The following KSR2 variants were observed in gnomAD, a reference collection of about 807,000 sequenced individuals.
KSR2 encodes kinase suppressor of ras 2.
In KSR2, 25 loss-of-function variants were observed where a neutral mutation model predicts 107.8. The observed-to-expected ratio is 0.23, with a 90% confidence interval of 0.17 to 0.32. The LOEUF (loss-of-function observed/expected upper bound fraction) is 0.32. Ranked by LOEUF, KSR2 falls within the 10% of genes least tolerant of loss-of-function variation. KSR2 has a pLI of 1.00. For synonymous variants in KSR2, 480 were observed against 507.0 expected (o/e 0.95, Z 0.71); for missense variants, 887 against 1,268.9 (o/e 0.70, Z 4.57).
At chr12:117,820,423 A>C (rs1891525317) in intron 3 of KSR2, among the ~76,000 whole-genome samples, 1 of 152,242 alleles carries the variant, frequency 6.6e-6, no homozygotes, top group African/African-American at 2.4e-5. Context: ...CCGGAAATTC[A>C]GCCCAGGACA....
intron 5 of KSR2, among the ~76,000 whole-genome samples, chr12:117,665,019 C>G (rs1884600619): frequency 6.6e-6 from 1 of 152,174 alleles, no homozygotes; most frequent in South Asian, 2.1e-4. Context: ...TTGTTAGAAT[C>G]AACAGATAGG....
intron 5 of KSR2, among the ~76,000 whole-genome samples, chr12:117,584,121 G>T (rs1316068434): frequency 2.0e-5 from 3 of 152,180 alleles, no homozygotes; most frequent in Non-Finnish European, 4.4e-5. Flanking sequence ...GCCCCAAAGG[G>T]CAGAGAAAAC....
intron 6 of KSR2, among the ~76,000 whole-genome samples, chr12:117,581,428 G>A (rs1446342753): frequency 1.3e-5 from 2 of 152,188 alleles, no homozygotes; most frequent in East Asian, 3.9e-4. Context: ...AAGGGAACAG[G>A]TCCTCCAGTG....
chr12:117,653,797 C>T (rs549746197), intron 5 of KSR2, among the ~76,000 whole-genome samples: 46 of 152,198 alleles, frequency 3.0e-4, no homozygotes, highest in Non-Finnish European at 5.1e-4. Context: ...GGGTGTGTTA[C>T]TCCAGTGCAT....
intron 3 of KSR2, among the ~76,000 whole-genome samples, chr12:117,840,813 C>T (rs1223394198): frequency 2.0e-5 from 3 of 149,114 alleles, no homozygotes; most frequent in Non-Finnish European, 4.5e-5. Context: ...CCAACCTGGC[C>T]AACATGGTGA....
intron 5 of KSR2, among the ~76,000 whole-genome samples, chr12:117,661,505 A>C (rs1884431308): frequency 6.6e-6 from 1 of 152,202 alleles, no homozygotes; most frequent in Admixed American, 6.5e-5. Context: ...AATCTAAGTA[A>C]AGAGGGACCT....
intron 14 of KSR2, among the ~76,000 whole-genome samples, chr12:117,498,815 C>T (rs191440937): frequency 3.9e-5 from 6 of 152,136 alleles, no homozygotes; most frequent in South Asian, 4.1e-4. Context: ...TCTTGTCTGC[C>T]GCCATGTGAG....
intron 7 of KSR2, among the ~76,000 whole-genome samples, chr12:117,577,350 A>C (rs1021291491): frequency 1.7e-5 from 2 of 120,444 alleles, no homozygotes; most frequent in African/African-American, 1.0e-4. Flanking sequence ...ACATGTTTAC[A>C]GAAGGAGAGA....
intron 10 of KSR2, among the ~76,000 whole-genome samples, chr12:117,538,426 G>C (rs565051156): frequency 6.6e-6 from 1 of 152,182 alleles, no homozygotes; most frequent in Admixed American, 6.5e-5. Flanking sequence ...TCCTCAGATG[G>C]ATGGATGGTT....
At chr12:117,788,629 G>A (rs1246424051) in intron 3 of KSR2, among the ~76,000 whole-genome samples, 1 of 152,136 alleles carries the variant, frequency 6.6e-6, no homozygotes, top group Non-Finnish European at 1.5e-5. Context: ...AGCCTACCAA[G>A]TAGCTGGGAT....
chr12:117,531,765 A>G, intron 10 of KSR2, 58 bp from the exon 11 acceptor site: 2 of 1,394,760 alleles, frequency 1.4e-6, no homozygotes, highest in Non-Finnish European at 2.0e-6. Context: ...CGCTTCAGGG[A>G]CCAGATTGAG....
In KSR2 at chr12:117,457,230, C is replaced by G. The variant is rs915903372; in HGVS notation, c.*9969G>C. 1 of 152,258 alleles carries G rather than the reference C, an allele frequency of 6.6e-6. No homozygotes were observed. Among genetic ancestry groups the G allele is most frequent in the Non-Finnish European group, 1.5e-5 (1 of 68,058 alleles). 9.4% of individuals were successfully genotyped at this position (152,258 alleles called of 1,614,324 possible). ...AAAACCTATTTCCCTGCAATGTTCA[C>G]TTAAGGAGTCCCCTCCTTGTGTTTT... On this transcript the variant is annotated 3_prime_UTR_variant, in exon 20 of 20. Transcript: ENST00000339824.
intron 14 of KSR2, among the ~76,000 whole-genome samples, chr12:117,513,608 G>A (rs749448109): frequency 6.6e-6 from 1 of 152,214 alleles, no homozygotes; most frequent in African/African-American, 2.4e-5. Context: ...TTTGGACAAT[G>A]AACCTGATTT....
intron 4 of KSR2, among the ~76,000 whole-genome samples, chr12:117,756,306 C>T (rs1888786442): frequency 6.6e-6 from 1 of 152,228 alleles, no homozygotes; most frequent in Non-Finnish European, 1.5e-5. Flanking sequence ...AACAGGCTGA[C>T]TCTCTTGTTA....
At chr12:117,485,373 G>C (rs779963949) in intron 15 of KSR2, among the ~76,000 whole-genome samples, 6 of 152,088 alleles carry the variant, frequency 3.9e-5, no homozygotes, top group Non-Finnish European at 7.3e-5. Context: ...GACACCAGAT[G>C]GAAACCAAAC....
At chr12:117,846,108 C>T (rs1402003958) in intron 3 of KSR2, among the ~76,000 whole-genome samples, 2 of 152,044 alleles carry the variant, frequency 1.3e-5, no homozygotes, top group African/African-American at 4.8e-5. Flanking sequence ...TTCAGACCTT[C>T]CCAGCCAGCC....
At chr12:117,620,426 C>T (rs1882129949) in intron 5 of KSR2, among the ~76,000 whole-genome samples, 1 of 152,184 alleles carries the variant, frequency 6.6e-6, no homozygotes, top group Non-Finnish European at 1.5e-5. Context: ...TCTGAGTGAC[C>T]TCCTGTTGCC....
rs76864203 is a variant in KSR2, at chr12:117,630,511, G to C, written c.1171+36963C>G. On this transcript the variant is annotated intron_variant, in intron 5 of 19. Transcript: ENST00000339824. ...CAGAGCCTAGTGTGCCAAGGACTGA[G>C]TTTTGTACAGCCATGGAAGGATTAT... Among the ~76,000 whole-genome samples, 253 of 152,240 alleles carry C rather than the reference G, an allele frequency of 1.7e-3. 6 individuals carry two copies. The East Asian group carries it at 0.033, about 20-fold the overall frequency.
chr12:117,664,957 T>G (rs1350415762), intron 5 of KSR2, among the ~76,000 whole-genome samples: 1 of 152,090 alleles, frequency 6.6e-6, no homozygotes, highest in African/African-American at 2.4e-5. Context: ...GAGCTTCTCG[T>G]TTCCCAAACG....
Sources: allele counts gnomAD v4.1 joint callset (sites outside exome capture counted in the v4.1 genomes callset), GRCh38; gene constraint gnomAD v4.1.1; transcripts MANE v1.5; gene names NCBI Gene and HGNC (gene_info 2026-07-23, HGNC 2026-07-21).